PBX3: variants seen among roughly 807,000 people sequenced by gnomAD.
The protein encoded by PBX3 is PBX homeobox 3.
PBX3 carries 14 observed loss-of-function variants against 48.5 expected under a neutral mutation model. The observed-to-expected ratio is 0.29, with a 90% CI of 0.19 to 0.45. The LOEUF (loss-of-function observed/expected upper bound fraction) is 0.45. Among genes scored for constraint, PBX3 ranks in the 20% least tolerant of loss-of-function variants. The pLI is 1.00. For synonymous variants in PBX3, 210 were observed against 200.3 expected, an observed-to-expected ratio of 1.05 and a Z score of -0.41; for missense variants, 386 against 546.7, an observed-to-expected ratio of 0.71 and a Z score of 2.93.
chr9:125,899,462 G>T (rs868139100), intron 2 of PBX3, among the ~76,000 whole-genome samples: 2,602 of 141,350 alleles, frequency 0.018, 207 homozygotes, highest in East Asian at 0.13. Flanking sequence ...TATAGAGAGA[G>T]AGAGAGAGAG....
At chr9:125,893,172 ATAAT>A (rs1391033309) in intron 2 of PBX3, among the ~76,000 whole-genome samples, 7 of 152,252 alleles carry the variant, frequency 4.6e-5, no homozygotes, top group African/African-American at 1.7e-4. Context: ...AAAAGCAGTA[ATAAT>A]TAATATCAGT....
intron 3 of PBX3, among the ~76,000 whole-genome samples, 186 bp from the exon 4 acceptor site, chr9:125,929,469 G>A (rs1338928485): frequency 6.6e-6 from 1 of 152,128 alleles, no homozygotes; most frequent in Non-Finnish European, 1.5e-5. Context: ...GACCATGCAC[G>A]GTTTCAGAAT....
intron 3 of PBX3, among the ~76,000 whole-genome samples, chr9:125,917,719 G>T (rs926493166): frequency 2.0e-5 from 3 of 152,178 alleles, no homozygotes; most frequent in Non-Finnish European, 4.4e-5. Flanking sequence ...TCCCAGAGGT[G>T]AGTGTGTTTT....
chr9:125,789,155 CCTT>C lies in PBX3; in HGVS notation c.274+40536_274+40538del, dbSNP rs1317947569. Among the ~76,000 whole-genome samples the C allele has an allele frequency of 3.3e-5, 5 of 152,082 alleles. No homozygotes were observed. The East Asian group carries it at 9.6e-4, about 29-fold the overall frequency. ...TTCTATTGTGATTATTCTGTAATTT[CCTT>C]CTTAATTCTTGTGATGATAGATATT... On this transcript the variant is annotated intron_variant, in intron 2 of 8. Transcript: ENST00000373489.
At chr9:125,906,808 G>A (rs1192183963) in intron 2 of PBX3, among the ~76,000 whole-genome samples, 1 of 151,902 alleles carries the variant, frequency 6.6e-6, no homozygotes, top group Non-Finnish European at 1.5e-5. Context: ...TTCAGCTGTG[G>A]ATTATTTGAA....
chr9:125,844,247 G>A (rs959847094), intron 2 of PBX3, among the ~76,000 whole-genome samples: 2 of 148,738 alleles, frequency 1.3e-5, no homozygotes, highest in South Asian at 2.1e-4. Context: ...GAGAGTTAAC[G>A]CTGGCAACAA....
At chr9:125,770,408 A>G (rs1251809750) in intron 2 of PBX3, among the ~76,000 whole-genome samples, 1 of 152,188 alleles carries the variant, frequency 6.6e-6, no homozygotes, top group Non-Finnish European at 1.5e-5. Flanking sequence ...AGGGGAATAT[A>G]GTACTTAGGC....
intron 2 of PBX3, among the ~76,000 whole-genome samples, chr9:125,768,400 C>T (rs1308208705): frequency 2.0e-5 from 3 of 151,972 alleles, no homozygotes; most frequent in East Asian, 1.9e-4. Context: ...TTTGTTTATG[C>T]GGGTTTAATC....
At chr9:125,818,027 C>G (rs372483450) in intron 2 of PBX3, among the ~76,000 whole-genome samples, 3 of 152,158 alleles carry the variant, frequency 2.0e-5, no homozygotes, top group African/African-American at 7.2e-5. Context: ...ATGGTGACAT[C>G]CTGTCTCTAC....
intron 2 of PBX3, among the ~76,000 whole-genome samples, chr9:125,797,726 G>A (rs930606008): frequency 1.3e-5 from 2 of 152,084 alleles, no homozygotes; most frequent in African/African-American, 2.4e-5. Context: ...TCTGAATACA[G>A]TACACTATTA....
chr9:125,902,818 G>A (rs537494391), intron 2 of PBX3, among the ~76,000 whole-genome samples: 1 of 151,842 alleles, frequency 6.6e-6, no homozygotes, highest in East Asian at 1.9e-4. Flanking sequence ...CTTCAGGCTT[G>A]TTCTATGATG....
At chr9:125,830,509 A>G (rs1314797205) in intron 2 of PBX3, among the ~76,000 whole-genome samples, 1 of 152,132 alleles carries the variant, frequency 6.6e-6, no homozygotes, top group Non-Finnish European at 1.5e-5. Context: ...TTTGTGTATC[A>G]TATGTGTTTT....
intron 3 of PBX3, among the ~76,000 whole-genome samples, chr9:125,927,975 G>T (rs1392504453): frequency 3.3e-5 from 5 of 152,144 alleles, no homozygotes; most frequent in African/African-American, 1.2e-4. Context: ...GAACTCAGGA[G>T]TTTGAGATCA....
rs533583933 is a variant in PBX3 at position 125,792,784 on chromosome 9, C to T, written c.274+44161C>T. 2.6e-3 allele frequency among the ~76,000 whole-genome samples: 394 copies of T among 151,362 alleles called. 1 individual carries two copies. Among genetic ancestry groups the T allele is most frequent in the African/African-American group, 8.9e-3 (369 of 41,292 alleles). On this transcript the variant is annotated intron_variant, in intron 2 of 8. Coordinates refer to ENST00000373489, the MANE Select transcript of PBX3 (RefSeq NM_006195.6). The stretch of plus-strand genomic sequence containing the variant: ...CACAATCTCTGCTCACTGCAACCTC[C>T]GCCTCCTGGGTTCAAGCAATTCTCC...
At chr9:125,751,083 T>C (rs1054238680) in intron 2 of PBX3, among the ~76,000 whole-genome samples, 3 of 152,232 alleles carry the variant, frequency 2.0e-5, no homozygotes, top group East Asian at 3.8e-4. Flanking sequence ...TTGTAGAATA[T>C]ATGTATATTG....
intron 6 of PBX3, among the ~76,000 whole-genome samples, chr9:125,961,160 C>T (rs1842422721): frequency 6.6e-6 from 1 of 152,176 alleles, no homozygotes; most frequent in Non-Finnish European, 1.5e-5. Context: ...TTCCAGATAC[C>T]ACTTTAGGGT....
At chr9:125,909,011 C>T (rs1841141773) in intron 2 of PBX3, among the ~76,000 whole-genome samples, 1 of 152,112 alleles carries the variant, frequency 6.6e-6, no homozygotes, top group Non-Finnish European at 1.5e-5. Context: ...ATATCTTGCC[C>T]TAGCCCTGTT....
chr9:125,813,892 C>T (rs80177869), intron 2 of PBX3, among the ~76,000 whole-genome samples: 8 of 149,634 alleles, frequency 5.3e-5, no homozygotes, highest in African/African-American at 1.7e-4. Context: ...CGGCCGGGCA[C>T]GGTGGCTCAT....
At chr9:125,901,975 T>C (rs906648909) in intron 2 of PBX3, among the ~76,000 whole-genome samples, 13 of 151,706 alleles carry the variant, frequency 8.6e-5, no homozygotes, top group Admixed American at 4.6e-4. Flanking sequence ...TTTAATTGTG[T>C]CACCTTCTTT....
Sources: gnomAD v4.1 joint callset for allele counts (sites outside exome capture counted in the v4.1 genomes callset) on GRCh38, gnomAD v4.1.1 for gene constraint, MANE v1.5 for transcripts, NCBI Gene and HGNC (gene_info 2026-07-23, HGNC 2026-07-21) for gene names.